SEMA4G: variants seen among roughly 807,000 people sequenced by gnomAD.
SEMA4G encodes semaphorin-4G.
SEMA4G carries 59 observed loss-of-function variants against 81.2 expected under a neutral mutation model. The ratio of observed to expected loss-of-function variants is 0.73; its 90% CI spans 0.59 to 0.90. The LOEUF (loss-of-function observed/expected upper bound fraction) is 0.90, where lower values mean the gene tolerates loss of function less well. Among genes scored for constraint, SEMA4G ranks in the 40% least tolerant of loss-of-function variants. SEMA4G has a pLI of 0.00. For synonymous variants in SEMA4G, 404 were observed against 433.9 expected (o/e 0.93, Z 0.86); for missense variants, 952 against 1,102.3 (o/e 0.86, Z 1.93).
intron 3 of SEMA4G, among the ~76,000 whole-genome samples, chr10:100,976,048 G>C (rs1487876678): frequency 1.3e-5 from 2 of 152,204 alleles, no homozygotes; most frequent in African/African-American, 4.8e-5. Flanking sequence ...ATTTGGGTCA[G>C]AGGAAGGGGC....
At chr10:100,980,530 G>A in intron 10 of SEMA4G, 48 bp from the exon 12 acceptor site, 4 of 1,536,704 alleles carry the variant, frequency 2.6e-6, no homozygotes, top group Non-Finnish European at 3.6e-6. Context: ...AGGGTGCTGA[G>A]AGCAGATCCC....
exon 7 of SEMA4G, chr10:100,978,972 A>C: frequency 6.2e-7 from 1 of 1,614,176 alleles, no homozygotes; most frequent in Non-Finnish European, 8.5e-7. Context: ...AGCTTCACTC[A>C]GAGCCGCAGC....
chr10:100,985,074 TCA>T, downstream of SEMA4G: 1 of 638,694 alleles, frequency 1.6e-6, no homozygotes, highest in Non-Finnish European at 2.5e-6. Context: ...TTAACTGTCC[TCA>T]CAGGCCCTTG....
rs760851566 is a variant in SEMA4G, at chr10:100,983,389, G to A, written c.1775G>A (p.Arg592Gln). 2.9e-5 allele frequency: 46 copies of A among 1,611,360 alleles called. No individual in the cohort carries two copies. In the South Asian group the frequency reaches 3.9e-4, roughly 14 times the overall value. ...TGTGACCAGCCATCCAACCTGGCCC[G>A]GGCCTTGTGGCTACTCAATGGGAGC... Residue 592 changes from arginine (R) to glutamine (Q), a missense_variant, in exon 14 of 14, where the codon CGG becomes CAG. Coordinates refer to ENST00000370250, the Ensembl canonical transcript of SEMA4G.
Position 100,979,272 on chromosome 10 carries a change from G to T in SEMA4G, c.983+1G>T. On this transcript the variant is annotated splice_donor_variant, in intron 8 of 13. Coordinates refer to ENST00000370250, the Ensembl canonical transcript of SEMA4G. LOFTEE classifies it high-confidence loss of function. Reference sequence around the variant, plus strand: ...CAGCCTTCACGCTGAGCACACAGTGGTCAGTGCAGGGACAATCGGGAGGCA... The same window carrying T: ...CAGCCTTCACGCTGAGCACACAGTGTTCAGTGCAGGGACAATCGGGAGGCA... 1 of 1,614,180 alleles carries T rather than the reference G, an allele frequency of 6.2e-7. No individual in the cohort carries two copies. Among genetic ancestry groups the T allele is most frequent in the Non-Finnish European group, 8.5e-7 (1 of 1,180,042 alleles).
At chr10:100,979,818 T>G (rs776111870) in intron 8 of SEMA4G, 30 bp from the exon 10 acceptor site, 1 of 1,610,374 alleles carries the variant, frequency 6.2e-7, no homozygotes, top group East Asian at 2.2e-5. Flanking sequence ...TCCATGTAAC[T>G]CACCCCCCTT....
chr10:100,980,253 G>T, exon 10 of SEMA4G: 1 of 1,614,240 alleles, frequency 6.2e-7, no homozygotes, highest in Admixed American at 1.7e-5. Flanking sequence ...GGCCCCTGCT[G>T]CTCAAGCGCA....
intron 3 of SEMA4G, among the ~76,000 whole-genome samples, chr10:100,977,403 G>A (rs575856008): frequency 6.6e-6 from 1 of 152,300 alleles, no homozygotes; most frequent in African/African-American, 2.4e-5. Flanking sequence ...TTGGCAGAAT[G>A]GTGTCAGGTA....
At chr10:100,980,183 T>C in exon 10 of SEMA4G, 1 of 1,614,218 alleles carries the variant, frequency 6.2e-7, no homozygotes, top group Non-Finnish European at 8.5e-7. Context: ...CCATCCCTGG[T>C]CCTGGACTTT....
At chr10:100,985,449 C>G (rs1215821939), downstream of SEMA4G, 1 of 152,862 alleles carries the variant, frequency 6.5e-6, no homozygotes, top group East Asian at 1.9e-4. Context: ...CACCCAACCT[C>G]TCCCACCTCC....
At position 100,983,700 on chromosome 10, in the gene SEMA4G, CTCT is replaced by C. The variant is rs569204913; in HGVS notation, c.2087_2089del (p.Leu696_Tyr697delinsHis). The C allele has an allele frequency of 3.0e-5, 48 of 1,613,604 alleles. No homozygotes were observed. The South Asian group carries it at 4.9e-4, about 17-fold the overall frequency. On this transcript the variant is annotated inframe_deletion, in exon 14 of 14. Coordinates refer to ENST00000370250, the Ensembl canonical transcript of SEMA4G. ...CTGCCTCATCCTGGCCTCCTCCCTC[CTCT>C]ATGTGGCCTGTCTGCGGGAAGGCAG...
upstream of SEMA4G, among the ~76,000 whole-genome samples, chr10:100,972,361 T>G (rs968649178): frequency 3.3e-5 from 5 of 152,028 alleles, no homozygotes; most frequent in African/African-American, 1.2e-4. Flanking sequence ...CCCAGCCTCC[T>G]GCATCAGAGC....
chr10:100,977,636 A>G, exon 4 of SEMA4G: 1 of 1,613,844 alleles, frequency 6.2e-7, no homozygotes, highest in Non-Finnish European at 8.5e-7. Flanking sequence ...CCACAGACGG[A>G]GTGCTTTAAC....
exon 7 of SEMA4G, chr10:100,978,924 A>T: frequency 6.2e-7 from 1 of 1,614,036 alleles, no homozygotes; most frequent in Non-Finnish European, 8.5e-7. Context: ...AAGGTGTACT[A>T]CTTCTTCACG....
At chr10:100,983,583 C>A in exon 14 of SEMA4G, 2 of 1,614,014 alleles carry the variant, frequency 1.2e-6, no homozygotes, top group South Asian at 1.1e-5. Flanking sequence ...CACTCCTGCC[C>A]CAGCTCCAAA....
Position 100,973,754 on chromosome 10 carries a change from G to A in SEMA4G, c.336+145G>A. ...AGTAAACATTGTAAGTATTGCCAGA[G>A]TGGCAAGCCATGGGCACAGCATTTT... On this transcript the variant is annotated intron_variant, in intron 3 of 13. Transcript: ENST00000370250. This position sits in a 1 kb window ranked among gnomAD's most constrained non-coding sequence, Gnocchi z 5.5. The A allele has an allele frequency of 1.3e-6, 1 of 741,388 alleles. No individual in the cohort carries two copies. Among genetic ancestry groups the A allele is most frequent in the African/African-American group, 1.8e-5 (1 of 55,752 alleles). The allele number at this position is 741,388 out of a possible 1,614,324, so 45.9% of individuals were successfully genotyped here. A position where few individuals can be genotyped will look rare whatever the true frequency, so the allele number is the denominator to read the frequency against.
chr10:100,978,088 C>T, intron 4 of SEMA4G: 2 of 586,902 alleles, frequency 3.4e-6, no homozygotes, highest in Non-Finnish European at 3.0e-6. Context: ...AGGTTGGCCA[C>T]TTGCAGATTT....
chr10:100,984,910 C>T, downstream of SEMA4G: 1 of 1,453,794 alleles, frequency 6.9e-7, no homozygotes, highest in South Asian at 1.4e-5. Context: ...GAGCTCCAGG[C>T]ATGTCCCATC....
chr10:100,985,539 C>T (rs971763006), downstream of SEMA4G: 2 of 152,666 alleles, frequency 1.3e-5, no homozygotes, highest in Non-Finnish European at 2.9e-5. Context: ...GTGGGTGGAA[C>T]AGGCATGTGA....
Sources: gnomAD v4.1 joint callset for allele counts (sites outside exome capture counted in the v4.1 genomes callset) on GRCh38, gnomAD v4.1.1 for gene constraint, Gnocchi (gnomAD v3.1) non-coding constraint, MANE v1.5 for transcripts, NCBI Gene and HGNC (gene_info 2026-07-23, HGNC 2026-07-21) for gene names.